Variants in ZNF69 observed in about 807,000 individuals in gnomAD.
ZNF69 encodes the protein zinc finger protein 69, also known as ZNF3.
In ZNF69, 47 loss-of-function variants were observed where a neutral mutation model predicts 50.9. That is an observed-to-expected ratio of 0.92 (90% CI 0.73 to 1.18). The LOEUF (loss-of-function observed/expected upper bound fraction) is 1.18. ZNF69 is among the 50% of genes most tolerant of loss of function. The pLI is 0.00. For synonymous variants in ZNF69, 216 were observed against 223.1 expected (o/e 0.97, Z 0.29); for missense variants, 717 against 675.1 (o/e 1.06, Z -0.69).
chr19:11,911,558 CA>C (rs1021610467), downstream of ZNF69, among the ~76,000 whole-genome samples: 1 of 152,080 alleles, frequency 6.6e-6, no homozygotes, highest in African/African-American at 2.4e-5. Context: ...TCATTCTGAG[CA>C]AACTATAACA....
At position 11,906,016 on chromosome 19, in the gene ZNF69, G is replaced by C; in HGVS notation, c.1619G>C (p.Gly540Ala). The C allele has an allele frequency of 2.5e-6, 4 of 1,613,992 alleles. No individual in the cohort carries two copies. Among genetic ancestry groups the C allele is most frequent in the Non-Finnish European group, 3.4e-6 (4 of 1,180,002 alleles). The change falls in exon 4 of 4, where the codon GGG becomes GCG. Residue 540 changes from glycine (G) to alanine (A), a missense_variant. Physicochemically the swap from Gly to Ala is moderately conservative, Grantham distance 60. Coordinates refer to ENST00000429654, the MANE Select transcript of ZNF69 (RefSeq NM_001364730.1). ...AAACCCTATAAATGCAAGCAATGTG[G>C]GAAAGCCTTCAGAGCTGCCTCAGTC... ...GEKPYKCKQCGKAFRAASVLR... is the reference protein window; with the variant it reads ...GEKPYKCKQCAKAFRAASVLR...
At chr19:11,970,426 C>T in the ZNF69 span, among the ~76,000 whole-genome samples, 38 of 152,078 alleles carry the variant, frequency 2.5e-4, 2 homozygotes, top group African/African-American at 7.5e-4. Context: ...GTTATAACAA[C>T]GTTAAATCCA....
Position 11,904,847 on chromosome 19 carries a change from A to G in ZNF69, c.450A>G (p.Gly150=). 1 of 1,614,148 alleles carries G rather than the reference A, an allele frequency of 6.2e-7. No individual in the cohort carries two copies. Among genetic ancestry groups the G allele is most frequent in the South Asian group, 1.1e-5 (1 of 91,086 alleles). The change falls in exon 4 of 4, where the codon GGA becomes GGG. Residue 150 remains glycine, a synonymous_variant. Coordinates refer to ENST00000429654, the MANE Select transcript of ZNF69 (RefSeq NM_001364730.1). Reference sequence around the variant, plus strand: ...ATATGAACATCAGAGGTGACATTGGACACAAGGCCTATGAGTATCAGGAAT... The same window carrying G: ...ATATGAACATCAGAGGTGACATTGGGCACAAGGCCTATGAGTATCAGGAAT... ...SFNMNIRGDI[G]HKAYEYQEYG...
intron 1 of ZNF69, among the ~76,000 whole-genome samples, chr19:11,902,685 G>A (rs1972271940): frequency 6.7e-6 from 1 of 150,344 alleles, no homozygotes; most frequent in South Asian, 2.1e-4. Context: ...GATTTCCCAG[G>A]GGCTCCCCCT....
the ZNF69 span, chr19:11,979,337 C>T: frequency 5.0e-6 from 8 of 1,608,976 alleles, no homozygotes; most frequent in African/African-American, 9.4e-5. Flanking sequence ...CATGGTAGGA[C>T]TCACTGGAGA....
the ZNF69 span, among the ~76,000 whole-genome samples, chr19:11,975,662 G>A: frequency 1.2e-4 from 5 of 41,696 alleles, no homozygotes; most frequent in African/African-American, 2.2e-4. Flanking sequence ...GATTACAGGC[G>A]TGAGCCACCG....
the ZNF69 span, among the ~76,000 whole-genome samples, chr19:11,941,091 C>G: frequency 6.6e-6 from 1 of 152,154 alleles, no homozygotes; most frequent in Non-Finnish European, 1.5e-5. Context: ...TTCACAAACC[C>G]TGAGCTAGAC....
chr19:11,903,359 G>C (rs1344826618), intron 1 of ZNF69, among the ~76,000 whole-genome samples: 1 of 152,194 alleles, frequency 6.6e-6, no homozygotes, highest in Non-Finnish European at 1.5e-5. Flanking sequence ...AGTGAGCCGA[G>C]ATCACGCCAT....
intron 1 of ZNF69, 136 bp downstream of exon 1, chr19:11,888,122 C>A: frequency 1.5e-6 from 1 of 687,398 alleles, no homozygotes; most frequent in South Asian, 1.7e-5. Context: ...GCCGCTCGGC[C>A]CTCGGTCCCC....
At chr19:11,913,978 T>A (rs1972495706) in exon 5 of ZNF69, 1 of 152,230 alleles carries the variant, frequency 6.6e-6, no homozygotes, top group African/African-American at 2.4e-5. Flanking sequence ...TGATTCATCA[T>A]GGTCACTGAG....
chr19:11,888,907 G>C (rs1977013239), intron 1 of ZNF69, among the ~76,000 whole-genome samples: 2 of 152,068 alleles, frequency 1.3e-5, no homozygotes, highest in South Asian at 4.1e-4. Context: ...CAGGAGACAG[G>C]TTGCAGTGAG....
chr19:11,897,638 C>T (rs966354325), intron 1 of ZNF69, among the ~76,000 whole-genome samples: 26 of 150,506 alleles, frequency 1.7e-4, no homozygotes, highest in South Asian at 4.2e-4. Context: ...TCTGGGAGGC[C>T]GAGGCGGGTG....
chr19:11,895,005 G>A (rs988564215), intron 1 of ZNF69, among the ~76,000 whole-genome samples: 5 of 152,188 alleles, frequency 3.3e-5, no homozygotes, highest in African/African-American at 9.7e-5. Flanking sequence ...TGAGCGCTTC[G>A]GTGAGCAGGA....
At chr19:11,954,435 C>G in the ZNF69 span, among the ~76,000 whole-genome samples, 1 of 152,172 alleles carries the variant, frequency 6.6e-6, no homozygotes, top group South Asian at 2.1e-4. Context: ...TTGGGTTGCT[C>G]TCTAATTGTT....
chr19:11,956,717 G>A, the ZNF69 span: 22 of 389,292 alleles, frequency 5.7e-5, no homozygotes, highest in Non-Finnish European at 9.5e-5. Context: ...TTAGCCAGGT[G>A]TAGGGGCTCA....
Position 11,904,630 on chromosome 19 carries a change from T to G in ZNF69, c.252-19T>G, listed in dbSNP as rs1972321184. The G allele has an allele frequency of 6.2e-7, 1 of 1,606,538 alleles. No individual in the cohort carries two copies. Among genetic ancestry groups the G allele is most frequent in the African/African-American group, 1.4e-5 (1 of 74,070 alleles). On this transcript the variant is annotated intron_variant, in intron 3 of 3. Transcript: ENST00000429654. ...ACTTATAAACAAACCCTTTGTAATG[T>G]GCTTCTCATTTTTGACAGGAGTCTC...
chr19:11,916,077 TG>T (rs1972519245), downstream of ZNF69, among the ~76,000 whole-genome samples: 1 of 152,204 alleles, frequency 6.6e-6, no homozygotes, highest in South Asian at 2.1e-4. Flanking sequence ...TGATGCCCTC[TG>T]CAAGTGATAG....
downstream of ZNF69, among the ~76,000 whole-genome samples, chr19:11,908,709 G>A (rs10410615): frequency 0.11 from 16,447 of 152,056 alleles, 1,958 homozygotes; most frequent in African/African-American, 0.29. Context: ...AATGCCCACA[G>A]GAGAAAGCAG....
At chr19:11,928,953 G>A in the ZNF69 span, among the ~76,000 whole-genome samples, 1 of 147,296 alleles carries the variant, frequency 6.8e-6, no homozygotes, top group Admixed American at 6.7e-5. Context: ...AAAAAAAATA[G>A]TGGAGAGGGA....
Sources: gnomAD v4.1 joint callset for allele counts (sites outside exome capture counted in the v4.1 genomes callset) on GRCh38, gnomAD v4.1.1 for gene constraint, MANE v1.5 for transcripts, NCBI Gene and HGNC (gene_info 2026-07-23, HGNC 2026-07-21) for gene names.